Variants in EBF2 observed in about 807,000 individuals in gnomAD.
EBF2 encodes EBF transcription factor 2, also known as transcription factor COE2.
A neutral mutation model predicts 72.8 loss-of-function variants in EBF2; 21 were observed. The observed-to-expected ratio is 0.29, with a 90% CI of 0.20 to 0.42. The LOEUF (loss-of-function observed/expected upper bound fraction) is 0.42, where lower values mean the gene tolerates loss of function less well. EBF2 is among the 10% of genes least tolerant of loss of function. EBF2 has a pLI of 1.00. For missense variants in EBF2, 637 were observed against 731.2 expected (o/e 0.87, Z 1.49); for synonymous variants, 299 against 274.2 (o/e 1.09, Z -0.89).
intron 7 of EBF2, among the ~76,000 whole-genome samples, chr8:25,896,050 C>CT (rs1160107676): frequency 1.3e-5 from 2 of 152,070 alleles, no homozygotes; most frequent in East Asian, 3.9e-4. Context: ...CCCAGCTAGG[C>CT]TTTTTCAGCT....
At chr8:26,025,481 T>C (rs1805289157) in intron 6 of EBF2, among the ~76,000 whole-genome samples, 2 of 152,170 alleles carry the variant, frequency 1.3e-5, no homozygotes, top group South Asian at 4.2e-4. Context: ...TTGATTTGCA[T>C]CAAATCCTAA....
At chr8:25,940,317 A>G (rs1239045819) in intron 6 of EBF2, among the ~76,000 whole-genome samples, 1 of 152,194 alleles carries the variant, frequency 6.6e-6, no homozygotes, top group Non-Finnish European at 1.5e-5. Context: ...CTAGCTGCGC[A>G]TTTTACTGAT....
chr8:25,978,533 G>A (rs1585214216), intron 6 of EBF2, among the ~76,000 whole-genome samples: 1 of 152,116 alleles, frequency 6.6e-6, no homozygotes, highest in South Asian at 2.1e-4. Flanking sequence ...TCGCAGCAAT[G>A]GTCCAAACCA....
At chr8:25,851,046 T>C (rs940814107) in intron 14 of EBF2, among the ~76,000 whole-genome samples, 1 of 151,960 alleles carries the variant, frequency 6.6e-6, no homozygotes, top group African/African-American at 2.4e-5. Flanking sequence ...GAAGGCAGCT[T>C]CAGGAAGTGA....
At chr8:26,031,324 CAGTT>C (rs144374044) in intron 6 of EBF2, 18,072 of 151,774 alleles carry the variant, frequency 0.12, 1,437 homozygotes, top group East Asian at 0.4. Context: ...TCCAACTCAT[CAGTT>C]AGGACAGAAA....
At chr8:25,853,066 G>A (rs558458620) in intron 14 of EBF2, among the ~76,000 whole-genome samples, 1 of 152,142 alleles carries the variant, frequency 6.6e-6, no homozygotes, top group South Asian at 2.1e-4. Flanking sequence ...TAAATGCATG[G>A]AAAAATACAC....
intron 6 of EBF2, among the ~76,000 whole-genome samples, chr8:25,991,003 G>C (rs977406395): frequency 6.6e-6 from 1 of 152,080 alleles, no homozygotes; most frequent in Non-Finnish European, 1.5e-5. Context: ...GCAGCTAATG[G>C]GTCTGGGAAA....
chr8:25,905,662 T>A (rs958243112), intron 7 of EBF2, among the ~76,000 whole-genome samples: 1 of 152,184 alleles, frequency 6.6e-6, no homozygotes, highest in African/African-American at 2.4e-5. Flanking sequence ...AGTAGATTAG[T>A]GGTTGCCAGT....
intron 6 of EBF2, among the ~76,000 whole-genome samples, chr8:25,916,012 C>T (rs983485398): frequency 2.6e-5 from 4 of 152,064 alleles, no homozygotes; most frequent in Admixed American, 6.6e-5. Context: ...TATGGCCAGA[C>T]GCAGTGGCTC....
chr8:25,959,416 G>T (rs1563192857), intron 6 of EBF2, among the ~76,000 whole-genome samples: 1 of 152,188 alleles, frequency 6.6e-6, no homozygotes. Flanking sequence ...AGTTCGTCAG[G>T]CTGGTCTTGA....
At chr8:25,899,789 C>G (rs998122091) in intron 7 of EBF2, among the ~76,000 whole-genome samples, 2 of 152,150 alleles carry the variant, frequency 1.3e-5, no homozygotes, top group Non-Finnish European at 2.9e-5. Flanking sequence ...TTTGCCCCAT[C>G]GTTCTTCTGC....
At chr8:25,944,385 G>C (rs1283118906) in intron 6 of EBF2, among the ~76,000 whole-genome samples, 1 of 152,060 alleles carries the variant, frequency 6.6e-6, no homozygotes, top group Non-Finnish European at 1.5e-5. Flanking sequence ...TCATCCCTTG[G>C]GGGCCTCAGT....
At chr8:25,995,279 C>T (rs1011181440) in intron 6 of EBF2, among the ~76,000 whole-genome samples, 5 of 152,052 alleles carry the variant, frequency 3.3e-5, no homozygotes, top group Non-Finnish European at 7.4e-5. Flanking sequence ...GCACTTGAGC[C>T]TGGGCAACAA....
intron 10 of EBF2, among the ~76,000 whole-genome samples, chr8:25,864,799 A>ATTT (rs568818867): frequency 1.4e-5 from 2 of 138,024 alleles, no homozygotes; most frequent in Non-Finnish European, 3.1e-5. Context: ...TTTCTCAACT[A>ATTT]TTTTTTTTTT....
At chr8:25,908,580 C>T in intron 6 of EBF2, 25 bp from the exon 7 acceptor site, 1 of 1,409,694 alleles carries the variant, frequency 7.1e-7, no homozygotes. Context: ...CGATGTGTTA[C>T]ATTTTTCAGT....
At position 25,871,115 on chromosome 8, in the gene EBF2, T is replaced by A. The variant is rs913348192; in HGVS notation, c.1010-8318A>T. Reference sequence around the variant, plus strand: ...CCAGACTGACTTCCCAACTGACCAGTTGCTTTTGCGTCTCTTAGATTCAGC... The same window carrying A: ...CCAGACTGACTTCCCAACTGACCAGATGCTTTTGCGTCTCTTAGATTCAGC... On this transcript the variant is annotated intron_variant, in intron 10 of 15. Transcript: ENST00000520164. 3.3e-5 allele frequency among the ~76,000 whole-genome samples: 5 copies of A among 152,182 alleles called. No individual in the cohort carries two copies. In the East Asian group the frequency reaches 9.6e-4, roughly 29 times the overall value.
chr8:25,925,287 C>T (rs1430629367), intron 6 of EBF2, among the ~76,000 whole-genome samples: 1 of 151,966 alleles, frequency 6.6e-6, no homozygotes, highest in Non-Finnish European at 1.5e-5. Context: ...GTCCTGAGAA[C>T]TTCAGAAAAC....
chr8:26,043,354 C>T (rs950891395), intron 1 of EBF2, among the ~76,000 whole-genome samples: 1 of 152,254 alleles, frequency 6.6e-6, no homozygotes. Flanking sequence ...AAGCTCTCCC[C>T]CACTAAGTCT....
At chr8:26,005,555 T>TAGAGAGAGAGAGAGAG (rs1489907148) in intron 6 of EBF2, among the ~76,000 whole-genome samples, 9 of 30,838 alleles carry the variant, frequency 2.9e-4, no homozygotes, top group South Asian at 1.9e-3. Context: ...TATATATATA[T>TAGAGAGAGAGAGAGAG]ATATATAGAG....
Sources: gnomAD v4.1 joint callset for allele counts (sites outside exome capture counted in the v4.1 genomes callset) on GRCh38, gnomAD v4.1.1 for gene constraint, MANE v1.5 for transcripts, NCBI Gene and HGNC (gene_info 2026-07-23, HGNC 2026-07-21) for gene names.